ROBO2: variants seen among roughly 807,000 people sequenced by gnomAD.
The protein encoded by ROBO2 is roundabout guidance receptor 2, also known as roundabout homolog 2.
In ROBO2, 53 loss-of-function variants were observed where a neutral mutation model predicts 160.8. The ratio of observed to expected loss-of-function variants is 0.33; its 90% confidence interval spans 0.26 to 0.41. The LOEUF is 0.41. Among genes scored for constraint, ROBO2 ranks in the 10% least tolerant of loss-of-function variants. ROBO2 has a pLI of 1.00. For synonymous variants in ROBO2, 664 were observed against 611.7 expected, an observed-to-expected ratio of 1.09 and a Z score of -1.26; for missense variants, 1,577 against 1,722.4, an observed-to-expected ratio of 0.92 and a Z score of 1.49.
At chr3:76,074,454 C>T (rs188260921) in intron 2 of ROBO2, among the ~76,000 whole-genome samples, 23 of 152,172 alleles carry the variant, frequency 1.5e-4, no homozygotes, top group African/African-American at 4.6e-4. Context: ...GAATGTGGCC[C>T]GATTAATTGG....
At chr3:76,257,718 TAC>T (rs1706490018) in intron 2 of ROBO2, among the ~76,000 whole-genome samples, 1 of 151,712 alleles carries the variant, frequency 6.6e-6, no homozygotes, top group African/African-American at 2.4e-5. Flanking sequence ...TCTCACTGCA[TAC>T]AGTTATTTCT....
intron 2 of ROBO2, among the ~76,000 whole-genome samples, chr3:76,860,932 G>A (rs963288273): frequency 1.3e-5 from 2 of 151,974 alleles, no homozygotes; most frequent in Non-Finnish European, 2.9e-5. Flanking sequence ...TTTGATAAAA[G>A]GAAAGCATGA....
intron 2 of ROBO2, among the ~76,000 whole-genome samples, chr3:76,594,281 C>T (rs931516411): frequency 6.6e-6 from 1 of 151,990 alleles, no homozygotes; most frequent in African/African-American, 2.4e-5. Flanking sequence ...GCTTTGCTCT[C>T]AGTCTCATAA....
chr3:76,231,361 G>T (rs561028175), intron 2 of ROBO2, among the ~76,000 whole-genome samples: 1 of 152,020 alleles, frequency 6.6e-6, no homozygotes, highest in South Asian at 2.1e-4. Flanking sequence ...ACTGCTCTGC[G>T]GTTTTATGTC....
At chr3:77,588,699 C>A in intron 16 of ROBO2, 52 bp from the exon 18 acceptor site, 1 of 1,525,070 alleles carries the variant, frequency 6.6e-7, no homozygotes, top group South Asian at 1.1e-5. Flanking sequence ...TGTTTATATT[C>A]CTGTGCTTAT....
At chr3:76,047,607 C>T (rs1396373129) in intron 2 of ROBO2, among the ~76,000 whole-genome samples, 1 of 152,124 alleles carries the variant, frequency 6.6e-6, no homozygotes, top group African/African-American at 2.4e-5. Flanking sequence ...TGACAAGCCT[C>T]AGCGATAATT....
intron 2 of ROBO2, among the ~76,000 whole-genome samples, chr3:76,505,302 T>G (rs558545839): frequency 6.6e-6 from 1 of 152,162 alleles, no homozygotes; most frequent in South Asian, 2.1e-4. Flanking sequence ...ATCGGTTGTT[T>G]CCTCAATTAG....
chr3:77,031,074 AG>A (rs2063291676), intron 2 of ROBO2, among the ~76,000 whole-genome samples: 1 of 152,146 alleles, frequency 6.6e-6, no homozygotes, highest in Admixed American at 6.5e-5. Flanking sequence ...CCACCCTTGA[AG>A]GTGGGGCTTG....
At chr3:76,963,586 T>C (rs925635122) in intron 2 of ROBO2, among the ~76,000 whole-genome samples, 1 of 152,124 alleles carries the variant, frequency 6.6e-6, no homozygotes, top group African/African-American at 2.4e-5. Context: ...TTTATCTCTA[T>C]TCCCATATTA....
chr3:76,211,140 C>T (rs1306604740), intron 2 of ROBO2, among the ~76,000 whole-genome samples: 5 of 152,082 alleles, frequency 3.3e-5, no homozygotes, highest in Admixed American at 2.6e-4. Context: ...GCCTAGGACA[C>T]TGACAATGTT....
At chr3:77,029,896 C>T (rs73108499) in intron 2 of ROBO2, among the ~76,000 whole-genome samples, 10,964 of 151,710 alleles carry the variant, frequency 0.072, 506 homozygotes, top group African/African-American at 0.12. Flanking sequence ...TTAAATAGGC[C>T]TCCTATCCTT....
chr3:76,055,746 C>T (rs564162332), intron 2 of ROBO2, among the ~76,000 whole-genome samples: 141 of 152,052 alleles, frequency 9.3e-4, no homozygotes, highest in Non-Finnish European at 1.7e-3. Context: ...TGTTGACCAC[C>T]AGCTTTTATT....
At chr3:76,684,970 A>G in intron 2 of ROBO2, among the ~76,000 whole-genome samples, 1 of 103,818 alleles carries the variant, frequency 9.6e-6, no homozygotes. Flanking sequence ...TAACATTTGC[A>G]GTACAAATGC....
At chr3:76,221,307 G>T (rs138373113) in intron 2 of ROBO2, among the ~76,000 whole-genome samples, 74 of 150,836 alleles carry the variant, frequency 4.9e-4, no homozygotes, top group Admixed American at 3.6e-3. Context: ...GTGATGGTGA[G>T]CAGTGCCACT....
chr3:76,420,220 T>C (rs1449234632), intron 2 of ROBO2, among the ~76,000 whole-genome samples: 1 of 152,148 alleles, frequency 6.6e-6, no homozygotes, highest in African/African-American at 2.4e-5. Context: ...TCCCTATCTT[T>C]CCTAGGCTGA....
intron 2 of ROBO2, among the ~76,000 whole-genome samples, chr3:77,426,060 C>A (rs2078171482): frequency 6.6e-6 from 1 of 152,000 alleles, no homozygotes; most frequent in African/African-American, 2.4e-5. Flanking sequence ...CCTGGGATTA[C>A]TGTATTGAGG....
chr3:76,614,959 T>C (rs1465275507), intron 2 of ROBO2, among the ~76,000 whole-genome samples: 1 of 152,118 alleles, frequency 6.6e-6, no homozygotes, highest in Non-Finnish European at 1.5e-5. Context: ...CTGGTATTTT[T>C]CAGAAATGAT....
At chr3:76,267,197 A>C (rs1378412445) in intron 2 of ROBO2, among the ~76,000 whole-genome samples, 1 of 152,206 alleles carries the variant, frequency 6.6e-6, no homozygotes, top group East Asian at 1.9e-4. Flanking sequence ...ATGCCCTATT[A>C]GTCAAACCAT....
At chr3:77,454,578 A>T (rs1283489323) in intron 2 of ROBO2, among the ~76,000 whole-genome samples, 2 of 152,192 alleles carry the variant, frequency 1.3e-5, no homozygotes, top group Non-Finnish European at 2.9e-5. Flanking sequence ...TACTGGCATC[A>T]TTTGTACAGA....
Sources: allele counts gnomAD v4.1 joint callset (sites outside exome capture counted in the v4.1 genomes callset), GRCh38; gene constraint gnomAD v4.1.1; transcripts MANE v1.5; gene names NCBI Gene and HGNC (gene_info 2026-07-23, HGNC 2026-07-21).